The following SEZ6L2 variants were observed in gnomAD, a reference collection of about 807,000 sequenced individuals.
SEZ6L2 encodes seizure related 6 homolog like 2.
In SEZ6L2, 44 loss-of-function variants were observed where a neutral mutation model predicts 97.0. The observed-to-expected ratio is 0.45, with a 90% CI of 0.36 to 0.58. SEZ6L2 has a LOEUF of 0.58. Ranked by LOEUF, SEZ6L2 falls within the 20% of genes least tolerant of loss-of-function variation. The pLI is 0.00. For synonymous variants in SEZ6L2, 543 were observed against 546.1 expected (o/e 0.99, Z 0.08); for missense variants, 1,086 against 1,233.3 (o/e 0.88, Z 1.79).
intron 4 of SEZ6L2, 89 bp downstream of exon 4, chr16:29,895,632 T>G: frequency 2.0e-6 from 3 of 1,491,692 alleles, no homozygotes; most frequent in Non-Finnish European, 1.8e-6. Context: ...TCAGACAGGT[T>G]CTTTGGCTCC....
intron 8 of SEZ6L2, among the ~76,000 whole-genome samples, chr16:29,882,894 C>A (rs1830066642): frequency 6.6e-6 from 1 of 152,132 alleles, no homozygotes; most frequent in South Asian, 2.1e-4. Flanking sequence ...TTGTGCCTGG[C>A]CACAGTGAAG....
In SEZ6L2 at chr16:29,879,983, GC is replaced by G. The variant is rs1247647529; in HGVS notation, c.1453del (p.Ala485HisfsTer88). ...TTTDPEYRPG[A>X]LATFSCLPGY... is the part of the protein sequence containing the mutation. ...TGGGAGGCACGAGAAGGTTGCCAGT[GC>G]CCCTGGGCGATACTCAGGGTCCGTG... On this transcript the variant is annotated frameshift_variant, in exon 9 of 18. Transcript: ENST00000617533. LOFTEE classifies it high-confidence loss of function. 6.2e-7 allele frequency: 1 copy of G among 1,614,226 alleles called. No homozygotes were observed. The highest frequency in any genetic ancestry group is 2.2e-5 in the East Asian group (1 of 44,882).
At chr16:29,893,642 T>C (rs368947640) in intron 5 of SEZ6L2, among the ~76,000 whole-genome samples, 1 of 144,636 alleles carries the variant, frequency 6.9e-6, no homozygotes, top group African/African-American at 2.6e-5. Context: ...AGTGAGACTC[T>C]GTCTCAAAAA....
Position 29,871,664 on chromosome 16 carries a change from G to A in SEZ6L2, c.*35C>T, listed in dbSNP as rs1466603805. 6.3e-7 allele frequency: 1 copy of A among 1,599,924 alleles called. No individual in the cohort carries two copies. The highest frequency in any genetic ancestry group is 8.5e-7 in the Non-Finnish European group (1 of 1,172,802). On this transcript the variant is annotated 3_prime_UTR_variant, in exon 18 of 18. Coordinates refer to ENST00000617533, the MANE Select transcript of SEZ6L2 (RefSeq NM_001243332.2). ...CCCTCTGCCCGAATGAGGAGGGGAG[G>A]GGCGTCCTGGGTCCTGCAGCTGTAG...
Position 29,899,095 on chromosome 16 carries a change from T to C in SEZ6L2, c.-76A>G. 3 of 921,304 alleles carry C rather than the reference T, an allele frequency of 3.3e-6. No homozygotes were observed. The highest frequency in any genetic ancestry group is 2.7e-5 in the Admixed American group (1 of 37,726). The allele number at this position is 921,304 out of a possible 1,614,324, so 57.1% of individuals were successfully genotyped here. ...GCCACCTTTCCTCCGTCTCCGTTTATCTTTCCCTTTAATTGTTTTTTTTTT... is the reference window on the plus strand; with the variant it reads ...GCCACCTTTCCTCCGTCTCCGTTTACCTTTCCCTTTAATTGTTTTTTTTTT... On this transcript the variant is annotated 5_prime_UTR_variant, in exon 1 of 18. Transcript: ENST00000617533.
chr16:29,872,841 G>A, intron 14 of SEZ6L2, 98 bp from the exon 15 acceptor site: 1 of 974,098 alleles, frequency 1.0e-6, no homozygotes, highest in Non-Finnish European at 1.6e-6. Context: ...GGACAGCCTG[G>A]TTCTCTCTGC....
At position 29,878,455 on chromosome 16, in the gene SEZ6L2, C is replaced by G. The variant is rs780927101; in HGVS notation, c.1574-30G>C. On this transcript the variant is annotated intron_variant, in intron 9 of 17. Transcript: ENST00000617533. ...GGAAAAAGGGGTGTCAGGTTCAGGA[C>G]CCAGGTGGGCATGCTGTCTTCATTT... is the stretch of plus-strand genomic sequence containing the variant. 1.4e-5 allele frequency: 22 copies of G among 1,563,020 alleles called. 1 individual carries two copies. In the South Asian group the frequency reaches 2.5e-4, roughly 18 times the overall value.
chr16:29,884,544 A>ATCGC (rs1452124411), intron 8 of SEZ6L2, among the ~76,000 whole-genome samples: 1 of 151,674 alleles, frequency 6.6e-6, no homozygotes, highest in African/African-American at 2.4e-5. Context: ...GTGAGCTGAG[A>ATCGC]TCGCGCCACT....
Position 29,873,456 on chromosome 16 carries a change from G to A in SEZ6L2, c.2297-25C>T. ...ACTGCGGGGAGCATGCCAGTCACGT[G>A]CCAGCTGCACTACTGTGCACGGGGC... On this transcript the variant is annotated intron_variant, in intron 13 of 17. Transcript: ENST00000617533. The surrounding 1 kb of genome is among the most constrained non-coding windows in gnomAD (Gnocchi z 4.3). The A allele has an allele frequency of 6.2e-7, 1 of 1,614,128 alleles. No individual in the cohort carries two copies. The highest frequency in any genetic ancestry group is 1.1e-5 in the South Asian group (1 of 91,080).
rs186950649 is a variant in SEZ6L2, at chr16:29,889,093, G to C, written c.854-368C>G. 3.7e-4 allele frequency among the ~76,000 whole-genome samples: 57 copies of C among 152,136 alleles called. 1 individual carries two copies. The East Asian group carries it at 0.011, about 28-fold the overall frequency. Reference sequence around the variant, plus strand: ...CAGCTGTAATAACAGTATTTGCAGAGCTTGTTCAGCTCCCAAAGTGAGTCC... The same window carrying C: ...CAGCTGTAATAACAGTATTTGCAGACCTTGTTCAGCTCCCAAAGTGAGTCC... On this transcript the variant is annotated intron_variant, in intron 5 of 17. Transcript: ENST00000617533.
intron 17 of SEZ6L2, 68 bp downstream of exon 17, chr16:29,872,118 CT>C: frequency 7.8e-7 from 1 of 1,279,602 alleles, no homozygotes; most frequent in East Asian, 2.3e-5. Flanking sequence ...TTCCAGAGAC[CT>C]TGCGAGAAGG....
chr16:29,873,687 C>A lies in SEZ6L2; in HGVS notation c.2147G>T (p.Arg716Leu), dbSNP rs1179462994. 1.2e-6 allele frequency: 2 copies of A among 1,609,134 alleles called. No homozygotes were observed. Among genetic ancestry groups the A allele is most frequent in the Non-Finnish European group, 8.5e-7 (1 of 1,178,418 alleles). The change falls in exon 13 of 18, where the codon CGC becomes CTC. Residue 716 changes from arginine (R) to leucine (L), a missense_variant. Physicochemically the swap from Arg to Leu is moderately radical, Grantham distance 102. Transcript: ENST00000617533. The surrounding 1 kb of genome is among the most constrained non-coding windows in gnomAD (Gnocchi z 4.3). ...GGGGAAGCCGGCGTCCGAGGCGGTG[C>A]GGTGCCCGTTGGCAATCTCGCCAGG... is the stretch of plus-strand genomic sequence containing the variant. ...ADPGEIANGH[R>L]TASDAGFPVG...
intron 12 of SEZ6L2, among the ~76,000 whole-genome samples, chr16:29,875,985 T>C (rs1394244577): frequency 1.3e-5 from 2 of 152,022 alleles, no homozygotes; most frequent in Non-Finnish European, 2.9e-5. Flanking sequence ...TGAAATCTCC[T>C]GCCCCAGCCC....
At chr16:29,894,994 G>A (rs1004465282) in intron 5 of SEZ6L2, among the ~76,000 whole-genome samples, 13 of 151,998 alleles carry the variant, frequency 8.6e-5, no homozygotes, top group Admixed American at 5.9e-4. Context: ...CCTGGCTAAC[G>A]CGGTGAAATC....
In SEZ6L2 at chr16:29,888,679, G is replaced by A. The variant is rs758996633; in HGVS notation, c.900C>T (p.Asp300=). ...CAGGGTGCAGGTCCGTCACACTCACGTCCCCATGGGCCGGCCGGGGAGGGA... is the reference window on the plus strand; with the variant it reads ...CAGGGTGCAGGTCCGTCACACTCACATCCCCATGGGCCGGCCGGGGAGGGA... ...CGFPPRPAHG[D]VSVTDLHPGG... Residue 300 remains aspartate, a synonymous_variant, in exon 6 of 18, where the codon GAC becomes GAT. Transcript: ENST00000617533. 24 of 1,613,646 alleles carry A rather than the reference G, an allele frequency of 1.5e-5. No homozygotes were observed. Among genetic ancestry groups the A allele is most frequent in the Non-Finnish European group, 1.9e-5 (23 of 1,179,848 alleles).
chr16:29,873,228 C>A lies in SEZ6L2; in HGVS notation c.2488+12G>T. 1 of 1,613,418 alleles carries A rather than the reference C, an allele frequency of 6.2e-7. No individual in the cohort carries two copies. The highest frequency in any genetic ancestry group is 1.1e-5 in the South Asian group (1 of 91,070). On this transcript the variant is annotated intron_variant, in intron 14 of 17. Coordinates refer to ENST00000617533, the MANE Select transcript of SEZ6L2 (RefSeq NM_001243332.2). The surrounding 1 kb of genome is among the most constrained non-coding windows in gnomAD (Gnocchi z 4.3). The stretch of plus-strand genomic sequence containing the variant: ...CACTGGTGTGCCCCTCCTGCCCTGT[C>A]TGGCCAGGCACCTTTGCAGAGTGGG...
rs12923668 is a variant in SEZ6L2 at position 29,874,551 on chromosome 16, T to G, written c.2105-822A>C. ...ATATAATTCTTTGTGTGTGTGCTTG[T>G]TTTTTTTTTTTTTTTTTTTTTTTTT... is the stretch of plus-strand genomic sequence containing the variant. On this transcript the variant is annotated intron_variant, in intron 12 of 17. Coordinates refer to ENST00000617533, the MANE Select transcript of SEZ6L2 (RefSeq NM_001243332.2). 1.5e-3 allele frequency among the ~76,000 whole-genome samples: 78 copies of G among 53,580 alleles called. 1 individual carries two copies. Among genetic ancestry groups the G allele is most frequent in the South Asian group, 7.7e-3 (13 of 1,698 alleles). The allele number at this position is 53,580 out of a possible 152,430, so 35.2% of individuals were successfully genotyped here. A position where few individuals can be genotyped will look rare whatever the true frequency, so the allele number is the denominator to read the frequency against.
At chr16:29,898,420 C>CTT (rs1242531596) in intron 1 of SEZ6L2, among the ~76,000 whole-genome samples, 2 of 135,678 alleles carry the variant, frequency 1.5e-5, no homozygotes, top group African/African-American at 6.3e-5. Flanking sequence ...GTGTGGCTGT[C>CTT]TTTTCTCTCT....
At chr16:29,896,499 G>A (rs770460923) in intron 3 of SEZ6L2, among the ~76,000 whole-genome samples, 1 of 152,002 alleles carries the variant, frequency 6.6e-6, no homozygotes, top group Non-Finnish European at 1.5e-5. Context: ...GGCTGGTCTC[G>A]AACTCCCGAC....
Sources: gnomAD v4.1 joint callset for allele counts (sites outside exome capture counted in the v4.1 genomes callset) on GRCh38, gnomAD v4.1.1 for gene constraint, Gnocchi (gnomAD v3.1) non-coding constraint, MANE v1.5 for transcripts, NCBI Gene and HGNC (gene_info 2026-07-23, HGNC 2026-07-21) for gene names.